CDH12: variants seen among roughly 807,000 people sequenced by gnomAD.
The protein encoded by CDH12 is cadherin 12.
Under a neutral mutation model 74.1 loss-of-function variants are expected in CDH12, and 41 were observed. The ratio of observed to expected loss-of-function variants is 0.55; its 90% confidence interval spans 0.43 to 0.72. The LOEUF (loss-of-function observed/expected upper bound fraction) is 0.72. Among genes scored for constraint, CDH12 ranks in the 30% least tolerant of loss-of-function variants. The pLI, the probability that CDH12 is intolerant of heterozygous loss-of-function variation, is 0.00. For missense variants in CDH12, 945 were observed against 977.2 expected, an observed-to-expected ratio of 0.97 and a Z score of 0.44; for synonymous variants, 399 against 355.0, an observed-to-expected ratio of 1.12 and a Z score of -1.39.
At chr5:22,340,264 C>T (rs573321281) in intron 3 of CDH12, among the ~76,000 whole-genome samples, 3 of 152,284 alleles carry the variant, frequency 2.0e-5, no homozygotes, top group South Asian at 4.1e-4. Flanking sequence ...CCGTGGCTCA[C>T]GCCTGTAACC....
chr5:22,431,978 T>A (rs2126522141), intron 2 of CDH12, among the ~76,000 whole-genome samples: 1 of 152,264 alleles, frequency 6.6e-6, no homozygotes, highest in South Asian at 2.1e-4. Context: ...TCATCAAGTT[T>A]ACAGTAGTAT....
chr5:22,143,095 T>C (rs1746909570), intron 4 of CDH12: 1 of 154,032 alleles, frequency 6.5e-6, no homozygotes, highest in African/African-American at 2.4e-5. Flanking sequence ...TTTAACTTTG[T>C]GAAAATTCTG....
At chr5:22,838,497 C>T (rs985277262) in intron 1 of CDH12, among the ~76,000 whole-genome samples, 18 of 152,218 alleles carry the variant, frequency 1.2e-4, no homozygotes, top group Non-Finnish European at 1.9e-4. Flanking sequence ...AGAATGGGCT[C>T]TATTTCCATG....
rs150674073 is a variant in CDH12, at chr5:22,304,738, T to A, written c.-332-92095A>T. 4.6e-5 allele frequency among the ~76,000 whole-genome samples: 7 copies of A among 152,236 alleles called. No homozygotes were observed. In the East Asian group the frequency reaches 1.4e-3, roughly 29 times the overall value. On this transcript the variant is annotated intron_variant, in intron 3 of 14. Transcript: ENST00000382254. ...AGCAACAGCTAAAACCTGACAAATG[T>A]GTGTGTAGAAAGTCCATGAAAACAT...
intron 3 of CDH12, among the ~76,000 whole-genome samples, chr5:22,261,036 TAA>T (rs1316186650): frequency 6.8e-6 from 1 of 148,124 alleles, no homozygotes; most frequent in African/African-American, 2.4e-5. Flanking sequence ...ACATACTACC[TAA>T]GACTATATAT....
At chr5:22,607,755 C>T (rs1391563442) in intron 1 of CDH12, among the ~76,000 whole-genome samples, 1 of 152,220 alleles carries the variant, frequency 6.6e-6, no homozygotes, top group Non-Finnish European at 1.5e-5. Context: ...TGGTGCACTG[C>T]ATCCTAGCTG....
intron 1 of CDH12, among the ~76,000 whole-genome samples, chr5:22,656,194 A>G (rs964994493): frequency 6.6e-6 from 1 of 152,314 alleles, no homozygotes; most frequent in African/African-American, 2.4e-5. Flanking sequence ...TTGTTACATT[A>G]TAATAATCAA....
intron 6 of CDH12, among the ~76,000 whole-genome samples, chr5:21,964,927 C>T (rs905350657): frequency 2.6e-5 from 4 of 151,640 alleles, no homozygotes; most frequent in Non-Finnish European, 5.9e-5. Flanking sequence ...ATTTACATGA[C>T]CTGGTAAAAT....
At chr5:22,126,173 G>T (rs1014701478) in intron 4 of CDH12, among the ~76,000 whole-genome samples, 2 of 151,984 alleles carry the variant, frequency 1.3e-5, no homozygotes, top group African/African-American at 4.8e-5. Context: ...TAAAATAATG[G>T]ATTTTATTCT....
intron 2 of CDH12, among the ~76,000 whole-genome samples, chr5:22,503,957 T>C (rs958520059): frequency 5.3e-5 from 8 of 152,046 alleles, no homozygotes; most frequent in African/African-American, 1.7e-4. Flanking sequence ...AGTTGCCTTT[T>C]ATAGGAATTA....
chr5:22,286,949 G>A (rs1398961558), intron 3 of CDH12, among the ~76,000 whole-genome samples: 1 of 152,124 alleles, frequency 6.6e-6, no homozygotes, highest in African/African-American at 2.4e-5. Flanking sequence ...TGCATCTTTA[G>A]ACATTAAAGA....
chr5:22,269,661 T>C (rs1736293106), intron 3 of CDH12, among the ~76,000 whole-genome samples: 1 of 152,174 alleles, frequency 6.6e-6, no homozygotes, highest in South Asian at 2.1e-4. Context: ...TAGTTGATGA[T>C]ACAGGAAACT....
At chr5:21,970,390 T>G (rs1039822811) in intron 6 of CDH12, among the ~76,000 whole-genome samples, 2 of 152,156 alleles carry the variant, frequency 1.3e-5, no homozygotes, top group Non-Finnish European at 2.9e-5. Flanking sequence ...ATCTAGTTTT[T>G]TATGTTTCGA....
At chr5:21,760,304 T>A (rs968506706) in intron 13 of CDH12, among the ~76,000 whole-genome samples, 2 of 152,114 alleles carry the variant, frequency 1.3e-5, no homozygotes, top group Non-Finnish European at 2.9e-5. Flanking sequence ...AGCATTCAAT[T>A]TCTCAGAGAG....
intron 1 of CDH12, among the ~76,000 whole-genome samples, chr5:22,647,595 C>T (rs1429713863): frequency 2.6e-5 from 4 of 151,578 alleles, no homozygotes; most frequent in African/African-American, 9.7e-5. Context: ...TTTTCCTTCT[C>T]CTCTTGTAAG....
chr5:22,522,166 G>A (rs1580729882), intron 1 of CDH12, among the ~76,000 whole-genome samples: 1 of 152,078 alleles, frequency 6.6e-6, no homozygotes, highest in South Asian at 2.1e-4. Context: ...TATTACATAA[G>A]CTAAAATTAG....
At position 21,760,605 on chromosome 5, in the gene CDH12, G is replaced by A. The variant is rs772773604; in HGVS notation, c.1586C>T (p.Ser529Leu). 1 of 1,611,610 alleles carries A rather than the reference G, an allele frequency of 6.2e-7. No homozygotes were observed. Among genetic ancestry groups the A allele is most frequent in the South Asian group, 1.1e-5 (1 of 90,882 alleles). Residue 529 changes from serine (S) to leucine (L), a missense_variant, in exon 13 of 15, where the codon TCA (serine) becomes TTA (leucine). By Grantham distance (145) the Ser-to-Leu change is moderately radical (BLOSUM62 -2). Transcript: ENST00000382254. ...PAGQQFSFRL[S>L]PEAAIKPNFT... is the part of the protein sequence containing the mutation. ...ATTTGGTTTGATAGCAGCCTCAGGT[G>A]ATAATCTAAAGGAGAATTGTTGCCC...
chr5:22,705,499 GCACACACA>G (rs5866587), intron 1 of CDH12, among the ~76,000 whole-genome samples: 26 of 143,606 alleles, frequency 1.8e-4, no homozygotes, highest in East Asian at 1.1e-3. Flanking sequence ...CAACACACAT[GCACACACA>G]CACACACACA....
At chr5:21,778,237 T>C (rs979959532) in intron 11 of CDH12, among the ~76,000 whole-genome samples, 2 of 152,136 alleles carry the variant, frequency 1.3e-5, no homozygotes, top group African/African-American at 4.8e-5. Context: ...TGTGTGACAC[T>C]GAGCTACAGA....
Sources: gnomAD v4.1 joint callset for allele counts (sites outside exome capture counted in the v4.1 genomes callset) on GRCh38, gnomAD v4.1.1 for gene constraint, MANE v1.5 for transcripts, NCBI Gene and HGNC (gene_info 2026-07-23, HGNC 2026-07-21) for gene names.